Variants in NUMB observed in about 807,000 individuals in gnomAD.
NUMB encodes NUMB endocytic adaptor protein.
A neutral mutation model predicts 59.7 loss-of-function variants in NUMB; 29 were observed. The observed-to-expected ratio is 0.49, with a 90% CI of 0.36 to 0.66. The LOEUF (loss-of-function observed/expected upper bound fraction) is 0.66, where lower values mean the gene tolerates loss of function less well. Ranked by LOEUF, NUMB falls within the 30% of genes least tolerant of loss-of-function variation. The pLI, the probability that NUMB is intolerant of heterozygous loss-of-function variation, is 0.00. For missense variants in NUMB, 723 were observed against 822.0 expected (o/e 0.88, Z 1.47); for synonymous variants, 288 against 288.2 (o/e 1.00, Z 0.01).
At chr14:73,375,509 T>C (rs1894907309) in intron 2 of NUMB, among the ~76,000 whole-genome samples, 2 of 152,206 alleles carry the variant, frequency 1.3e-5, no homozygotes, top group Admixed American at 1.3e-4. Context: ...CATATTAAAT[T>C]CCATATTGCT....
chr14:73,299,742 ACTT>A (rs1419783990), intron 6 of NUMB, among the ~76,000 whole-genome samples: 1 of 152,124 alleles, frequency 6.6e-6, no homozygotes, highest in Non-Finnish European at 1.5e-5. Context: ...AGTATTAAAT[ACTT>A]TTTTTTACAA....
chr14:73,321,847 T>A (rs1046200105), intron 5 of NUMB, among the ~76,000 whole-genome samples: 1 of 152,166 alleles, frequency 6.6e-6, no homozygotes, highest in African/African-American at 2.4e-5. Flanking sequence ...GTCTGTATCT[T>A]TTTTTAAAAT....
chr14:73,368,299 G>A (rs1894477880), intron 2 of NUMB, among the ~76,000 whole-genome samples: 1 of 152,114 alleles, frequency 6.6e-6, no homozygotes, highest in Admixed American at 6.6e-5. Context: ...ATTCGGGCCG[G>A]GCACAGTGGC....
intron 2 of NUMB, among the ~76,000 whole-genome samples, chr14:73,406,192 C>A (rs1415335469): frequency 6.6e-6 from 1 of 151,280 alleles, no homozygotes; most frequent in Non-Finnish European, 1.5e-5. Context: ...TGTGCTGCAC[C>A]TATTAACTCA....
intron 2 of NUMB, among the ~76,000 whole-genome samples, chr14:73,392,957 T>C (rs1566776824): frequency 6.6e-6 from 1 of 152,096 alleles, no homozygotes; most frequent in Non-Finnish European, 1.5e-5. Flanking sequence ...TTAATAGACA[T>C]GTGCGTTTTT....
At position 73,275,673 on chromosome 14, in the gene NUMB, T is replaced by C. The variant is rs1160554393; in HGVS notation, c.*905A>G. The C allele has an allele frequency of 1.3e-5, 2 of 152,276 alleles. No individual in the cohort carries two copies. Among genetic ancestry groups the C allele is most frequent in the African/African-American group, 4.8e-5 (2 of 41,462 alleles). 9.4% of individuals were successfully genotyped at this position (152,276 alleles called of 1,614,324 possible). A position where few individuals can be genotyped will look rare whatever the true frequency, so the allele number is the denominator to read the frequency against. On this transcript the variant is annotated 3_prime_UTR_variant, in exon 13 of 13. Coordinates refer to ENST00000555238, the MANE Select transcript of NUMB (RefSeq NM_001005743.2). ...AAATAATGACATTAGAATTCCATCA[T>C]AGGTTTAAAACCAGGACAATACTGC...
chr14:73,353,464 G>C (rs989886264), intron 4 of NUMB, among the ~76,000 whole-genome samples: 4 of 151,014 alleles, frequency 2.6e-5, no homozygotes, highest in African/African-American at 9.8e-5. Flanking sequence ...CAAATCTTAG[G>C]ATGACCACTT....
At position 73,277,250 on chromosome 14, in the gene NUMB, G is replaced by A. The variant is rs749539453; in HGVS notation, c.1284C>T (p.Leu428=). 2.4e-5 allele frequency: 39 copies of A among 1,607,016 alleles called. No individual in the cohort carries two copies. In the South Asian group the frequency reaches 3.4e-4, roughly 14 times the overall value. The change falls in exon 13 of 13, where the codon CTC becomes CTT. Residue 428 remains leucine (L), a synonymous_variant. Transcript: ENST00000555238. The part of the protein sequence containing the change: ...GQSSGAASPG[L]FQAGHRRTPS... ...GAGTACGTCTATGACCGGCCTGGAA[G>A]AGACCTGGAGAGGCAGCACCAGAAG...
chr14:73,391,361 T>C (rs1776877250), intron 2 of NUMB, among the ~76,000 whole-genome samples: 1 of 151,600 alleles, frequency 6.6e-6, no homozygotes, highest in South Asian at 2.1e-4. Context: ...TTGCAAAAAT[T>C]TAAATTTTAA....
intron 4 of NUMB, among the ~76,000 whole-genome samples, chr14:73,330,591 C>T (rs1461485686): frequency 6.6e-6 from 1 of 152,180 alleles, no homozygotes; most frequent in Non-Finnish European, 1.5e-5. Context: ...GAGAATACAG[C>T]AGTAACCACT....
intron 1 of NUMB, among the ~76,000 whole-genome samples, chr14:73,428,652 A>G (rs1394502223): frequency 6.6e-6 from 1 of 152,076 alleles, no homozygotes; most frequent in Admixed American, 6.6e-5. Context: ...TTAGCCAGGT[A>G]TGGTGGTGCA....
intron 2 of NUMB, among the ~76,000 whole-genome samples, chr14:73,397,825 G>A (rs1245899840): frequency 6.6e-6 from 1 of 152,138 alleles, no homozygotes; most frequent in East Asian, 1.9e-4. Context: ...ATAGTTGGAA[G>A]TTTTGCACCC....
intron 3 of NUMB, among the ~76,000 whole-genome samples, chr14:73,358,584 C>A (rs1893935914): frequency 6.7e-6 from 1 of 149,440 alleles, no homozygotes; most frequent in African/African-American, 2.5e-5. Flanking sequence ...AGGAGTTAAC[C>A]TCTTCAGGAA....
At chr14:73,452,997 C>A (rs1280353822) in intron 1 of NUMB, among the ~76,000 whole-genome samples, 5 of 152,198 alleles carry the variant, frequency 3.3e-5, no homozygotes, top group Non-Finnish European at 7.3e-5. Flanking sequence ...ACCACTCATT[C>A]CTCTAGATAC....
At position 73,287,325 on chromosome 14, in the gene NUMB, A is replaced by T; in HGVS notation, c.451-11T>A. 1 of 1,597,402 alleles carries T rather than the reference A, an allele frequency of 6.3e-7. No homozygotes were observed. The highest frequency in any genetic ancestry group is 1.3e-5 in the African/African-American group (1 of 74,470). ...GCTCAACCTTTCACCCTGTAAGAGC[A>T]GATTTTAAAAGCTTTTCAGAATTAC... On this transcript the variant is annotated splice_polypyrimidine_tract_variant and intron_variant, in intron 8 of 12. Coordinates refer to ENST00000555238, the MANE Select transcript of NUMB (RefSeq NM_001005743.2).
chr14:73,389,909 A>C (rs1048067330), intron 2 of NUMB, among the ~76,000 whole-genome samples: 2 of 152,302 alleles, frequency 1.3e-5, no homozygotes, highest in Non-Finnish European at 2.9e-5. Flanking sequence ...ATACCAAAAG[A>C]CCACCAAAAG....
intron 1 of NUMB, among the ~76,000 whole-genome samples, chr14:73,436,510 C>T (rs550778342): frequency 3.3e-5 from 5 of 152,046 alleles, no homozygotes; most frequent in Admixed American, 1.3e-4. Flanking sequence ...AGTAAAGACA[C>T]GGTTTCACCA....
At chr14:73,414,355 G>GAA (rs1046753253) in intron 1 of NUMB, among the ~76,000 whole-genome samples, 4 of 152,276 alleles carry the variant, frequency 2.6e-5, no homozygotes, top group Admixed American at 2.6e-4. Flanking sequence ...AAAAGCAAGA[G>GAA]AAACTCATTT....
At chr14:73,282,165 G>C in intron 11 of NUMB, 194 bp downstream of exon 11, 2 of 509,616 alleles carry the variant, frequency 3.9e-6, no homozygotes, top group South Asian at 7.3e-5. Flanking sequence ...GACAAACACA[G>C]ACATCTTAGA....
Sources: allele counts gnomAD v4.1 joint callset (sites outside exome capture counted in the v4.1 genomes callset), GRCh38; gene constraint gnomAD v4.1.1; transcripts MANE v1.5; gene names NCBI Gene and HGNC (gene_info 2026-07-23, HGNC 2026-07-21).